CBFB: variants seen among roughly 807,000 people sequenced by gnomAD.
The protein encoded by CBFB is CBF-beta.
CBFB carries 9 observed loss-of-function variants against 30.4 expected under a neutral mutation model. The observed-to-expected ratio is 0.30, with a 90% CI of 0.18 to 0.52. The LOEUF (loss-of-function observed/expected upper bound fraction) is 0.52. Ranked by LOEUF, CBFB falls within the 20% of genes least tolerant of loss-of-function variation. CBFB has a pLI of 0.97. For synonymous variants in CBFB, 94 were observed against 84.0 expected (o/e 1.12, Z -0.65); for missense variants, 170 against 244.0 (o/e 0.70, Z 2.02).
intron 5 of CBFB, among the ~76,000 whole-genome samples, chr16:67,092,141 C>G (rs1961902713): frequency 6.6e-6 from 1 of 151,726 alleles, no homozygotes; most frequent in Admixed American, 6.6e-5. Flanking sequence ...TCCATGTGTT[C>G]TAATTGTTCA....
chr16:67,031,701 C>T (rs923012761), intron 2 of CBFB, among the ~76,000 whole-genome samples: 2 of 152,006 alleles, frequency 1.3e-5, no homozygotes, highest in African/African-American at 4.8e-5. Flanking sequence ...TTAGTAGAGA[C>T]GGGGTTTCAC....
chr16:67,031,596 C>T (rs1316031339), intron 2 of CBFB, among the ~76,000 whole-genome samples: 2 of 152,210 alleles, frequency 1.3e-5, no homozygotes, highest in African/African-American at 4.8e-5. Flanking sequence ...CTGCAACCTT[C>T]GCCTCCTGGG....
chr16:67,059,735 T>A (rs532092112), intron 3 of CBFB, among the ~76,000 whole-genome samples: 1 of 152,268 alleles, frequency 6.6e-6, no homozygotes, highest in African/African-American at 2.4e-5. Context: ...TTGCTCCAGA[T>A]TCTTCCTGGG....
intron 4 of CBFB, among the ~76,000 whole-genome samples, chr16:67,073,300 A>G (rs1446740318): frequency 2.0e-5 from 3 of 152,184 alleles, no homozygotes; most frequent in Non-Finnish European, 4.4e-5. Flanking sequence ...CAAGTTTGGT[A>G]TAAGACAATA....
At chr16:67,070,920 T>A (rs1961205405) in intron 4 of CBFB, among the ~76,000 whole-genome samples, 1 of 152,204 alleles carries the variant, frequency 6.6e-6, no homozygotes, top group African/African-American at 2.4e-5. Flanking sequence ...TAACATTTTT[T>A]ATACTTGGAG....
chr16:67,036,073 G>C (rs1395814215), intron 2 of CBFB, among the ~76,000 whole-genome samples: 2 of 152,100 alleles, frequency 1.3e-5, no homozygotes, highest in African/African-American at 4.8e-5. Context: ...TGTGAGAAAA[G>C]ACATATTTTT....
intron 2 of CBFB, 24 bp downstream of exon 2, chr16:67,029,837 G>GC: frequency 6.4e-7 from 1 of 1,557,956 alleles, no homozygotes; most frequent in South Asian, 1.2e-5. Flanking sequence ...CCCGGGGCGC[G>GC]CGCGGGTCAC....
intron 5 of CBFB, among the ~76,000 whole-genome samples, chr16:67,092,949 G>A (rs910436771): frequency 6.6e-6 from 1 of 151,938 alleles, no homozygotes; most frequent in Non-Finnish European, 1.5e-5. Flanking sequence ...CTCACCTCAG[G>A]TGATCTGCCC....
intron 5 of CBFB, among the ~76,000 whole-genome samples, chr16:67,097,525 A>G (rs1310886506): frequency 6.6e-6 from 1 of 151,428 alleles, no homozygotes; most frequent in Non-Finnish European, 1.5e-5. Flanking sequence ...AGCCTGGGCA[A>G]CAAGAGTGAA....
In CBFB at chr16:67,099,082, CTTTAAT is replaced by C. The variant is rs1962142961; in HGVS notation, c.*307_*312del. 6.4e-6 allele frequency: 2 copies of C among 313,756 alleles called. No homozygotes were observed. Among genetic ancestry groups the C allele is most frequent in the East Asian group, 9.2e-5 (2 of 21,636 alleles). The allele number at this position is 313,756 out of a possible 1,614,324, so 19.4% of individuals were successfully genotyped here. On this transcript the variant is annotated 3_prime_UTR_variant, in exon 6 of 6. Transcript: ENST00000412916. ...CAACTGTAAAGCTCCTTTTCTTCCA[CTTTAAT>C]TTAAAAGTTCATGTCATTTAAAAAC...
chr16:67,052,249 T>G (rs1376943240), intron 3 of CBFB, among the ~76,000 whole-genome samples: 1 of 152,186 alleles, frequency 6.6e-6, no homozygotes, highest in Non-Finnish European at 1.5e-5. Context: ...TTATTAAAAT[T>G]AATTTCACCT....
intron 4 of CBFB, among the ~76,000 whole-genome samples, chr16:67,068,719 C>G (rs182299927): frequency 9.2e-5 from 14 of 152,202 alleles, no homozygotes; most frequent in Non-Finnish European, 2.1e-4. Flanking sequence ...GGTGAAAAAG[C>G]AAGCAATATA....
At chr16:67,063,596 C>G (rs1241026210) in intron 3 of CBFB, among the ~76,000 whole-genome samples, 1 of 152,078 alleles carries the variant, frequency 6.6e-6, no homozygotes. Flanking sequence ...CACACACACC[C>G]ACGCCCAGTT....
At chr16:67,039,931 A>G (rs1020494320) in intron 3 of CBFB, among the ~76,000 whole-genome samples, 3 of 152,180 alleles carry the variant, frequency 2.0e-5, no homozygotes, top group Admixed American at 1.3e-4. Context: ...ATGTTTATGC[A>G]TAGGTCATGT....
At chr16:67,091,061 TTG>T in intron 5 of CBFB, among the ~76,000 whole-genome samples, 1 of 152,212 alleles carries the variant, frequency 6.6e-6, no homozygotes, top group African/African-American at 2.4e-5. Context: ...CCTTCCTGGG[TTG>T]TGTTTTGGGT....
At chr16:67,060,666 C>G (rs1183868604) in intron 3 of CBFB, among the ~76,000 whole-genome samples, 1 of 152,282 alleles carries the variant, frequency 6.6e-6, no homozygotes, top group South Asian at 2.1e-4. Flanking sequence ...AACGATTCTC[C>G]TGCCTCAGCC....
chr16:67,051,716 C>T (rs778973133), intron 3 of CBFB, among the ~76,000 whole-genome samples: 19 of 150,736 alleles, frequency 1.3e-4, no homozygotes, highest in Non-Finnish European at 2.4e-4. Flanking sequence ...TTCAAGTCTA[C>T]GTTAAATGTA....
intron 3 of CBFB, among the ~76,000 whole-genome samples, chr16:67,043,456 A>T (rs564863812): frequency 1.3e-5 from 2 of 152,226 alleles, no homozygotes; most frequent in Non-Finnish European, 2.9e-5. Context: ...GTGACTGATT[A>T]TAAGTATATA....
At chr16:67,085,900 G>A (rs1051565864) in intron 5 of CBFB, among the ~76,000 whole-genome samples, 5 of 151,570 alleles carry the variant, frequency 3.3e-5, no homozygotes, top group Admixed American at 6.6e-5. Flanking sequence ...GGATGGTCTC[G>A]ATCTCCTGAC....
Sources: gnomAD v4.1 joint callset for allele counts (sites outside exome capture counted in the v4.1 genomes callset) on GRCh38, gnomAD v4.1.1 for gene constraint, MANE v1.5 for transcripts, NCBI Gene and HGNC (gene_info 2026-07-23, HGNC 2026-07-21) for gene names.